SNTG1: variants seen among roughly 807,000 people sequenced by gnomAD.
SNTG1 encodes the protein gamma-1-syntrophin.
In SNTG1, 39 loss-of-function variants were observed where a neutral mutation model predicts 74.7. The observed-to-expected ratio is 0.52, with a 90% CI of 0.40 to 0.68. The LOEUF (loss-of-function observed/expected upper bound fraction) is 0.68. SNTG1 is among the 30% of genes least tolerant of loss of function. The pLI is 0.00. For missense variants in SNTG1, 685 were observed against 609.5 expected (o/e 1.12, Z -1.30); for synonymous variants, 254 against 217.1 (o/e 1.17, Z -1.49).
intron 8 of SNTG1, among the ~76,000 whole-genome samples, chr8:50,480,124 C>A (rs1234211779): frequency 2.0e-5 from 3 of 152,056 alleles, no homozygotes; most frequent in Non-Finnish European, 2.9e-5. Context: ...AATGTTAAAT[C>A]ATCAGTTTTA....
At chr8:50,394,046 T>G (rs986965979) in intron 2 of SNTG1, among the ~76,000 whole-genome samples, 166 bp from the exon 3 acceptor site, 5 of 152,228 alleles carry the variant, frequency 3.3e-5, no homozygotes, top group Non-Finnish European at 5.9e-5. Flanking sequence ...TTTTTTCATC[T>G]GTTCATTTTC....
rs1208900310 is a variant in SNTG1 at position 50,542,742 on chromosome 8, C to T, written c.680+5934C>T. ...ATAAGGATTCCTCTTTCTCCACATC[C>T]TCAACAGCATTTGTTATTGCCTGTC... is the stretch of plus-strand genomic sequence containing the variant. On this transcript the variant is annotated intron_variant, in intron 11 of 18. Transcript: ENST00000642720. Among the ~76,000 whole-genome samples the T allele has an allele frequency of 3.9e-5, 6 of 152,276 alleles. No individual in the cohort carries two copies. In the South Asian group the frequency reaches 8.3e-4, roughly 21 times the overall value.
chr8:50,775,261 A>T (rs1340244799), intron 18 of SNTG1, among the ~76,000 whole-genome samples: 2 of 151,568 alleles, frequency 1.3e-5, no homozygotes, highest in South Asian at 4.1e-4. Context: ...AAGGTACTCT[A>T]GTGTATATAT....
At chr8:50,052,364 A>G (rs934069404) in intron 1 of SNTG1, among the ~76,000 whole-genome samples, 1 of 152,138 alleles carries the variant, frequency 6.6e-6, no homozygotes, top group African/African-American at 2.4e-5. Context: ...GGACTTCTGG[A>G]TATCCACATG....
intron 2 of SNTG1, among the ~76,000 whole-genome samples, chr8:50,370,888 A>G (rs146106877): frequency 1.0e-3 from 154 of 152,262 alleles, no homozygotes; most frequent in African/African-American, 3.6e-3. Context: ...AATGAAAGGA[A>G]AATAAAAGTT....
intron 1 of SNTG1, among the ~76,000 whole-genome samples, chr8:49,938,837 G>A (rs1808417875): frequency 1.3e-5 from 2 of 151,562 alleles, no homozygotes; most frequent in Non-Finnish European, 2.9e-5. Context: ...TCTTGTTCTA[G>A]ATGTTGCTCT....
At position 50,289,550 on chromosome 8, in the gene SNTG1, AT is replaced by A. The variant is rs543558120; in HGVS notation, c.-27-104657del. Reference sequence around the variant, plus strand: ...TCACTAACACCATTGAAGTTCTTGCATTTTTAATTATTCATACTTAAAGAAA... The same window carrying A: ...TCACTAACACCATTGAAGTTCTTGCATTTTAATTATTCATACTTAAAGAAA... On this transcript the variant is annotated intron_variant, in intron 2 of 18. Transcript: ENST00000642720. 2.0e-5 allele frequency among the ~76,000 whole-genome samples: 3 copies of A among 152,152 alleles called. No individual in the cohort carries two copies. In the South Asian group the frequency reaches 6.2e-4, roughly 31 times the overall value.
intron 9 of SNTG1, among the ~76,000 whole-genome samples, chr8:50,506,032 G>A (rs547682194): frequency 6.6e-6 from 1 of 152,062 alleles, no homozygotes; most frequent in South Asian, 2.1e-4. Context: ...TTTATACATA[G>A]TATAAGGTAA....
At chr8:50,229,632 G>C (rs2085514753) in intron 2 of SNTG1, among the ~76,000 whole-genome samples, 1 of 147,806 alleles carries the variant, frequency 6.8e-6, no homozygotes. Context: ...GCAAATGTAA[G>C]AGTGTAGTTT....
chr8:50,671,080 C>A (rs1015940689), intron 15 of SNTG1, among the ~76,000 whole-genome samples: 1 of 151,396 alleles, frequency 6.6e-6, no homozygotes, highest in Non-Finnish European at 1.5e-5. Context: ...GACCTAAAAC[C>A]ATAAAAACCC....
intron 1 of SNTG1, among the ~76,000 whole-genome samples, chr8:50,088,323 C>G (rs1012896443): frequency 4.2e-4 from 60 of 143,992 alleles, no homozygotes; most frequent in African/African-American, 1.4e-3. Flanking sequence ...AAACTGGAAG[C>G]ATTCCCTTTG....
At chr8:50,342,120 T>A (rs1172335950) in intron 2 of SNTG1, among the ~76,000 whole-genome samples, 1 of 152,068 alleles carries the variant, frequency 6.6e-6, no homozygotes, top group African/African-American at 2.4e-5. Flanking sequence ...ATGTAACTTG[T>A]TTTTGCTTCA....
At chr8:50,455,392 G>A (rs78885843) in intron 8 of SNTG1, among the ~76,000 whole-genome samples, 3,755 of 152,130 alleles carry the variant, frequency 0.025, 62 homozygotes, top group South Asian at 0.072. Flanking sequence ...GAATTTATTA[G>A]GTAATTTGAA....
chr8:50,074,724 C>G (rs1821676506), intron 1 of SNTG1, among the ~76,000 whole-genome samples: 1 of 152,214 alleles, frequency 6.6e-6, no homozygotes, highest in African/African-American at 2.4e-5. Context: ...TGCTCACTCT[C>G]AGTGCCTCCT....
At chr8:50,758,005 C>T (rs2095585808) in intron 18 of SNTG1, among the ~76,000 whole-genome samples, 1 of 151,856 alleles carries the variant, frequency 6.6e-6, no homozygotes, top group East Asian at 1.9e-4. Context: ...ATTGTTGTCA[C>T]TCATTTTGCT....
At chr8:50,472,052 C>T (rs942975933) in intron 8 of SNTG1, among the ~76,000 whole-genome samples, 1 of 152,002 alleles carries the variant, frequency 6.6e-6, no homozygotes, top group Non-Finnish European at 1.5e-5. Context: ...AAAGAAAGTA[C>T]AAGTAAATGG....
At chr8:50,220,057 C>A (rs1170866868) in intron 2 of SNTG1, among the ~76,000 whole-genome samples, 1 of 152,014 alleles carries the variant, frequency 6.6e-6, no homozygotes, top group Non-Finnish European at 1.5e-5. Flanking sequence ...ATTGACATAT[C>A]TGGAATTAAC....
chr8:49,973,575 C>T (rs1811919794), intron 1 of SNTG1, among the ~76,000 whole-genome samples: 1 of 151,550 alleles, frequency 6.6e-6, no homozygotes, highest in Admixed American at 6.6e-5. Flanking sequence ...TTTACTGCTT[C>T]ACTTTGGTGA....
intron 1 of SNTG1, among the ~76,000 whole-genome samples, chr8:50,137,977 G>A (rs998043652): frequency 6.6e-6 from 1 of 152,066 alleles, no homozygotes; most frequent in Non-Finnish European, 1.5e-5. Flanking sequence ...CAATTCTTCA[G>A]CCTTTCCATT....
Sources: allele counts gnomAD v4.1 joint callset (sites outside exome capture counted in the v4.1 genomes callset), GRCh38; gene constraint gnomAD v4.1.1; transcripts MANE v1.5; gene names NCBI Gene and HGNC (gene_info 2026-07-23, HGNC 2026-07-21).